MAGI2: variants seen among roughly 807,000 people sequenced by gnomAD.
The protein encoded by MAGI2 is membrane associated guanylate kinase, WW and PDZ domain containing 2, also known as membrane-associated guanylate kinase, WW and PDZ domain-containing protein 2.
In MAGI2, 35 loss-of-function variants were observed where a neutral mutation model predicts 133.3. The ratio of observed to expected loss-of-function variants is 0.26; its 90% CI spans 0.20 to 0.35. The LOEUF (loss-of-function observed/expected upper bound fraction) is 0.35, where lower values mean the gene tolerates loss of function less well. Ranked by LOEUF, MAGI2 falls within the 10% of genes least tolerant of loss-of-function variation. MAGI2 has a pLI of 1.00. For missense variants in MAGI2, 1,636 were observed against 1,863.4 expected, an observed-to-expected ratio of 0.88 and a Z score of 2.25; for synonymous variants, 729 against 710.6, an observed-to-expected ratio of 1.03 and a Z score of -0.41.
intron 2 of MAGI2, among the ~76,000 whole-genome samples, chr7:78,921,876 G>T (rs191162981): frequency 6.6e-6 from 1 of 152,094 alleles, no homozygotes; most frequent in Admixed American, 6.6e-5. Flanking sequence ...CAGGTGATCC[G>T]CCTGCCTTGG....
At chr7:79,315,333 T>TG (rs1193748901) in intron 1 of MAGI2, among the ~76,000 whole-genome samples, 40 of 89,826 alleles carry the variant, frequency 4.5e-4, no homozygotes, top group African/African-American at 1.1e-3. Flanking sequence ...TAATTTTTTT[T>TG]TTTTTTTTTT....
chr7:78,967,781 C>G (rs1339628050), intron 2 of MAGI2, among the ~76,000 whole-genome samples: 2 of 151,946 alleles, frequency 1.3e-5, no homozygotes, highest in Non-Finnish European at 1.5e-5. Context: ...TTTCTGGGCT[C>G]TTTATGTTGC....
chr7:78,307,822 A>C (rs992738946), intron 9 of MAGI2, among the ~76,000 whole-genome samples: 3 of 152,194 alleles, frequency 2.0e-5, no homozygotes, highest in Non-Finnish European at 4.4e-5. Context: ...CCAGAATAAA[A>C]ACTTCTAAAA....
chr7:79,186,530 A>G (rs1827158353), intron 1 of MAGI2, among the ~76,000 whole-genome samples: 1 of 149,196 alleles, frequency 6.7e-6, no homozygotes, highest in African/African-American at 2.4e-5. Context: ...ATACACACAT[A>G]CTTTGTCATT....
intron 6 of MAGI2, among the ~76,000 whole-genome samples, chr7:78,414,248 G>A (rs777042855): frequency 3.0e-4 from 46 of 151,878 alleles, no homozygotes; most frequent in Non-Finnish European, 5.7e-4. Flanking sequence ...GACATTGCAC[G>A]AAATATTTAG....
chr7:79,036,308 A>G (rs922072728), intron 1 of MAGI2, among the ~76,000 whole-genome samples: 5 of 152,232 alleles, frequency 3.3e-5, no homozygotes, highest in Non-Finnish European at 5.9e-5. Flanking sequence ...CTTGAGGATT[A>G]TCACACTACT....
chr7:78,091,013 A>G (rs1817141650), intron 20 of MAGI2, among the ~76,000 whole-genome samples: 1 of 151,824 alleles, frequency 6.6e-6, no homozygotes. Context: ...TATCTTTTGT[A>G]GCTTTTAACA....
chr7:78,713,982 T>A (rs1378660539), intron 2 of MAGI2, among the ~76,000 whole-genome samples: 2 of 147,948 alleles, frequency 1.4e-5, no homozygotes, highest in African/African-American at 4.9e-5. Flanking sequence ...GTAAGCAAAC[T>A]CTGTTACTGC....
At chr7:78,156,953 T>A (rs1824455003) in intron 16 of MAGI2, among the ~76,000 whole-genome samples, 1 of 152,208 alleles carries the variant, frequency 6.6e-6, no homozygotes, top group Non-Finnish European at 1.5e-5. Flanking sequence ...TCGTGATTCT[T>A]AAGTACCTGA....
chr7:78,806,771 G>A (rs1232137939), intron 2 of MAGI2, among the ~76,000 whole-genome samples: 1 of 151,774 alleles, frequency 6.6e-6, no homozygotes, highest in Non-Finnish European at 1.5e-5. Context: ...GGGAGGCTGA[G>A]GCAGAAAAAT....
intron 10 of MAGI2, among the ~76,000 whole-genome samples, chr7:78,238,141 T>A (rs1399346934): frequency 6.6e-6 from 1 of 152,168 alleles, no homozygotes; most frequent in Non-Finnish European, 1.5e-5. Context: ...TTCCCCTTCC[T>A]GACATTTAAA....
chr7:78,434,649 G>T (rs1800110614), intron 6 of MAGI2, among the ~76,000 whole-genome samples: 1 of 152,050 alleles, frequency 6.6e-6, no homozygotes, highest in Non-Finnish European at 1.5e-5. Flanking sequence ...CATAAAATGA[G>T]ACAGTAGAAT....
rs561294579 is a variant in MAGI2 at position 78,435,661 on chromosome 7, G to A, written c.1045+54100C>T. On this transcript the variant is annotated intron_variant, in intron 6 of 21. Transcript: ENST00000354212. ...ACCACCTTGTTCTAAAGTTGTGCCC[G>A]AGGTCACAGAGAATCCCGAGAAAGG... Among the ~76,000 whole-genome samples the A allele has an allele frequency of 3.3e-5, 5 of 152,180 alleles. No individual in the cohort carries two copies. In the South Asian group the frequency reaches 6.2e-4, roughly 19 times the overall value.
intron 1 of MAGI2, among the ~76,000 whole-genome samples, chr7:79,446,493 A>G (rs1311938846): frequency 6.6e-6 from 1 of 152,174 alleles, no homozygotes; most frequent in Non-Finnish European, 1.5e-5. Context: ...AAAGTAAGCC[A>G]AAATAAATAA....
At chr7:78,651,963 A>C (rs1811622515) in intron 2 of MAGI2, among the ~76,000 whole-genome samples, 1 of 27,746 alleles carries the variant, frequency 3.6e-5, no homozygotes, top group African/African-American at 3.2e-4. Flanking sequence ...TGTGGTGTAA[A>C]CACCATTGAA....
At chr7:78,420,689 T>C (rs1798716766) in intron 6 of MAGI2, among the ~76,000 whole-genome samples, 1 of 152,168 alleles carries the variant, frequency 6.6e-6, no homozygotes, top group Admixed American at 6.5e-5. Flanking sequence ...CTTCCATCCC[T>C]TTAATTTAAT....
intron 6 of MAGI2, among the ~76,000 whole-genome samples, chr7:78,476,105 A>G (rs974103823): frequency 2.0e-5 from 3 of 151,968 alleles, no homozygotes; most frequent in Admixed American, 2.0e-4. Flanking sequence ...TAATTCTACA[A>G]GCAGAGAGGT....
chr7:79,372,023 G>A (rs955283960), intron 1 of MAGI2, among the ~76,000 whole-genome samples: 2 of 152,088 alleles, frequency 1.3e-5, no homozygotes, highest in African/African-American at 4.8e-5. Context: ...GCAACCCTAC[G>A]AGGTAGCTAC....
intron 2 of MAGI2, among the ~76,000 whole-genome samples, chr7:78,712,175 A>G (rs533938704): frequency 2.0e-5 from 3 of 152,236 alleles, no homozygotes; most frequent in African/African-American, 7.2e-5. Flanking sequence ...GATTATATAC[A>G]CTCGTCTATG....
Sources: gnomAD v4.1 joint callset for allele counts (sites outside exome capture counted in the v4.1 genomes callset) on GRCh38, gnomAD v4.1.1 for gene constraint, MANE v1.5 for transcripts, NCBI Gene and HGNC (gene_info 2026-07-23, HGNC 2026-07-21) for gene names.